Variants in BICC1 observed in about 807,000 individuals in gnomAD.
BICC1 encodes the protein protein bicaudal C homolog 1.
Under a neutral mutation model 111.0 loss-of-function variants are expected in BICC1, and 43 were observed. That is an observed-to-expected ratio of 0.39 (90% CI 0.30 to 0.50). BICC1 has a LOEUF of 0.50. Among genes scored for constraint, BICC1 ranks in the 20% least tolerant of loss-of-function variants. The pLI is 0.88. For synonymous variants in BICC1, 467 were observed against 434.4 expected (o/e 1.07, Z -0.93); for missense variants, 1,091 against 1,203.2 (o/e 0.91, Z 1.38).
intron 1 of BICC1, among the ~76,000 whole-genome samples, chr10:58,605,990 T>C (rs1042160279): frequency 1.3e-5 from 2 of 152,236 alleles, no homozygotes; most frequent in African/African-American, 4.8e-5. Context: ...ACAAATTCTT[T>C]CTACACTGTC....
At chr10:58,539,906 G>T in intron 1 of BICC1, among the ~76,000 whole-genome samples, 1 of 151,816 alleles carries the variant, frequency 6.6e-6, no homozygotes, top group East Asian at 1.9e-4. Flanking sequence ...ATTAAGAGAA[G>T]ATTGAAGTCA....
chr10:58,604,938 G>A (rs1029894108), intron 1 of BICC1, among the ~76,000 whole-genome samples: 20 of 152,214 alleles, frequency 1.3e-4, no homozygotes, highest in African/African-American at 4.8e-4. Flanking sequence ...TTCCTCATGT[G>A]GTGGAAGGCA....
intron 1 of BICC1, among the ~76,000 whole-genome samples, chr10:58,518,094 C>T (rs900812435): frequency 6.6e-6 from 1 of 152,106 alleles, no homozygotes; most frequent in African/African-American, 2.4e-5. Context: ...GTGTGGAGTT[C>T]TAGATTTTGC....
chr10:58,677,440 A>C (rs1033747633), intron 2 of BICC1, among the ~76,000 whole-genome samples: 3 of 152,240 alleles, frequency 2.0e-5, no homozygotes, highest in African/African-American at 7.2e-5. Context: ...ATCAGTTGGA[A>C]GAAAGGATAT....
chr10:58,702,291 A>G (rs895740128), intron 3 of BICC1, 148 bp downstream of exon 3: 2 of 564,168 alleles, frequency 3.5e-6, no homozygotes, highest in African/African-American at 3.8e-5. Flanking sequence ...GAGGATTTTC[A>G]TAATTAAAAA....
At chr10:58,599,810 A>C (rs1396837112) in intron 1 of BICC1, among the ~76,000 whole-genome samples, 1 of 151,978 alleles carries the variant, frequency 6.6e-6, no homozygotes, top group African/African-American at 2.4e-5. Flanking sequence ...CCTTTTTAAG[A>C]GTGGGAGGGT....
chr10:58,653,873 T>C (rs1270377097), intron 2 of BICC1, among the ~76,000 whole-genome samples: 2 of 139,060 alleles, frequency 1.4e-5, no homozygotes, highest in Admixed American at 7.6e-5. Context: ...GATATTCCCC[T>C]TCCTGTGTCC....
rs370252031 is a variant in BICC1 at position 58,719,746 on chromosome 10, T to A, written c.307+17603T>A. Among the ~76,000 whole-genome samples the A allele has an allele frequency of 3.3e-5, 5 of 152,358 alleles. No individual in the cohort carries two copies. In the East Asian group the frequency reaches 9.6e-4, roughly 29 times the overall value. On this transcript the variant is annotated intron_variant, in intron 3 of 20. Transcript: ENST00000373886. ...GCCAGAAAGTTGGAGTGATAAATTA[T>A]GAGTTAAAGTTTACATTATCATTAG...
intron 2 of BICC1, 119 bp downstream of exon 2, chr10:58,621,020 G>A (rs537589652): frequency 3.6e-5 from 28 of 774,240 alleles, no homozygotes; most frequent in South Asian, 3.1e-4. Context: ...GTTTCTATAC[G>A]GGAGCTGGAA....
intron 2 of BICC1, among the ~76,000 whole-genome samples, chr10:58,652,747 T>G (rs1838489876): frequency 6.6e-6 from 1 of 152,146 alleles, no homozygotes; most frequent in African/African-American, 2.4e-5. Flanking sequence ...GGAGATTGTT[T>G]AATATTATTA....
At chr10:58,801,378 C>T (rs1843542289) in intron 14 of BICC1, among the ~76,000 whole-genome samples, 1 of 152,086 alleles carries the variant, frequency 6.6e-6, no homozygotes, top group Non-Finnish European at 1.5e-5. Flanking sequence ...TAGAAATTTT[C>T]CCACTGTGAA....
At chr10:58,697,445 G>A (rs187999661) in intron 2 of BICC1, among the ~76,000 whole-genome samples, 218 of 152,226 alleles carry the variant, frequency 1.4e-3, no homozygotes, top group Middle Eastern at 6.8e-3. Context: ...TGCAAATAGG[G>A]ACAATAATGA....
At chr10:58,743,466 A>ATT (rs5785344) in intron 3 of BICC1, among the ~76,000 whole-genome samples, 5,016 of 143,628 alleles carry the variant, frequency 0.035, 101 homozygotes, top group South Asian at 0.049. Context: ...ATTTGCTGGG[A>ATT]TTTTTTTTTT....
intron 1 of BICC1, 146 bp downstream of exon 1, chr10:58,513,479 A>G: frequency 2.6e-6 from 2 of 760,588 alleles, no homozygotes; most frequent in South Asian, 2.3e-5. Context: ...GCCGGAGGAC[A>G]CCCAGGGACT....
intron 1 of BICC1, among the ~76,000 whole-genome samples, chr10:58,576,643 C>G (rs1485165263): frequency 1.3e-5 from 2 of 152,136 alleles, no homozygotes; most frequent in Non-Finnish European, 2.9e-5. Flanking sequence ...TCCCAAAATA[C>G]TTAAATGGTG....
chr10:58,718,390 C>T (rs942759051), intron 3 of BICC1, among the ~76,000 whole-genome samples: 2 of 152,162 alleles, frequency 1.3e-5, no homozygotes, highest in Non-Finnish European at 2.9e-5. Flanking sequence ...AAGTCTCCAC[C>T]TCTTAATACT....
chr10:58,534,353 C>T (rs1842771164), intron 1 of BICC1, among the ~76,000 whole-genome samples: 1 of 151,590 alleles, frequency 6.6e-6, no homozygotes, highest in Admixed American at 6.6e-5. Flanking sequence ...CAGTGGGCGG[C>T]AGCCTATACT....
At chr10:58,576,545 A>G (rs1844118768) in intron 1 of BICC1, among the ~76,000 whole-genome samples, 1 of 152,136 alleles carries the variant, frequency 6.6e-6, no homozygotes, top group African/African-American at 2.4e-5. Context: ...GCATAATTCA[A>G]ATCTGGAATT....
chr10:58,706,513 C>T (rs1365524486), intron 3 of BICC1, among the ~76,000 whole-genome samples: 19 of 152,216 alleles, frequency 1.2e-4, no homozygotes, highest in Non-Finnish European at 2.9e-5. Flanking sequence ...CGAAGGTGAA[C>T]GGTAAATGAT....
Sources: allele counts gnomAD v4.1 joint callset (sites outside exome capture counted in the v4.1 genomes callset), GRCh38; gene constraint gnomAD v4.1.1; transcripts MANE v1.5; gene names NCBI Gene and HGNC (gene_info 2026-07-23, HGNC 2026-07-21).